Variants in ABCA1 observed in about 807,000 individuals in gnomAD.
The protein encoded by ABCA1 is phospholipid-transporting ATPase ABCA1.
ABCA1 carries 133 observed loss-of-function variants against 262.5 expected under a neutral mutation model. The ratio of observed to expected loss-of-function variants is 0.51; its 90% CI spans 0.44 to 0.59. The LOEUF (loss-of-function observed/expected upper bound fraction) is 0.59. ABCA1 is among the 20% of genes least tolerant of loss of function. The pLI is 0.00. For missense variants in ABCA1, 2,452 were observed against 2,777.5 expected, an observed-to-expected ratio of 0.88 and a Z score of 2.63; for synonymous variants, 1,022 against 1,043.5, an observed-to-expected ratio of 0.98 and a Z score of 0.40.
chr9:104,882,720 T>C (rs1838796554), intron 5 of ABCA1, among the ~76,000 whole-genome samples: 1 of 152,272 alleles, frequency 6.6e-6, no homozygotes, highest in Non-Finnish European at 1.5e-5. Context: ...TGCAACCATA[T>C]GGCCAACTTC....
chr9:104,882,410 G>A (rs1317686741), intron 5 of ABCA1, among the ~76,000 whole-genome samples: 1 of 152,200 alleles, frequency 6.6e-6, no homozygotes, highest in African/African-American at 2.4e-5. Context: ...CCAGGCCACT[G>A]CCTGGAAGGC....
chr9:104,830,963 A>G lies in ABCA1; in HGVS notation c.1854T>C (p.Tyr618=), dbSNP rs1160675703. Residue 618 remains tyrosine, a synonymous_variant, in exon 14 of 50, where the codon TAT becomes TAC. Coordinates refer to ENST00000374736, the MANE Select transcript of ABCA1 (RefSeq NM_005502.4). ...AACAGGGATAGGGCATCTGTTGCATATAGACACCAGTTTTCTTCTCGGTGC... is the reference window on the plus strand; with the variant it reads ...AACAGGGATAGGGCATCTGTTGCATGTAGACACCAGTTTTCTTCTCGGTGC... The part of the protein sequence containing the change: ...LTGTEKKTGV[Y]MQQMPYPCYV... 1 of 1,613,954 alleles carries G rather than the reference A, an allele frequency of 6.2e-7. No homozygotes were observed. Among genetic ancestry groups the G allele is most frequent in the South Asian group, 1.1e-5 (1 of 91,066 alleles).
rs1314950378 is a variant in ABCA1, at chr9:104,784,328, T to C, written c.6773A>G (p.Glu2258Gly). The change falls in exon 50 of 50, where the codon GAA becomes GGA. Residue 2258 changes from glutamate (E) to glycine (G), a missense_variant. This residue lies in a region of ABCA1 where 752 missense variants were observed against 944.5 expected (regional missense o/e 0.80). Transcript: ENST00000374736. ...GAACAGGATTCTTCATACATAGCTT[T>C]CTTTCACTTTCTCATCCTGTAGAAA... is the stretch of plus-strand genomic sequence containing the variant. The part of the protein sequence containing the change: ...TSFLQDEKVK[E>G]SYV 1 of 1,614,024 alleles carries C rather than the reference T, an allele frequency of 6.2e-7. No individual in the cohort carries two copies. Among genetic ancestry groups the C allele is most frequent in the African/African-American group, 1.3e-5 (1 of 74,938 alleles).
intron 6 of ABCA1, among the ~76,000 whole-genome samples, chr9:104,858,923 C>G (rs1252636495): frequency 6.6e-6 from 1 of 152,202 alleles, no homozygotes; most frequent in African/African-American, 2.4e-5. Flanking sequence ...GTTGCATTAA[C>G]TCAGTATCTC....
At chr9:104,893,421 C>CAAAAAAAAAAAAGAAAAAAAAAAAA (rs1839937397) in intron 2 of ABCA1, among the ~76,000 whole-genome samples, 1 of 35,256 alleles carries the variant, frequency 2.8e-5, no homozygotes, top group Non-Finnish European at 5.7e-5. Context: ...GACTTCACCT[C>CAAAAAAAAAAAAGAAAAAAAAAAAA]AAAAAAAAAA....
intron 2 of ABCA1, among the ~76,000 whole-genome samples, chr9:104,891,442 A>G (rs1839737202): frequency 2.6e-5 from 4 of 151,708 alleles, no homozygotes; most frequent in Admixed American, 2.6e-4. Context: ...CTAAAAATAC[A>G]AAAATTAGAT....
rs145354494 is a variant in ABCA1 at position 104,879,758 on chromosome 9, C to T, written c.421+3281G>A. ...CTAATACAATCTCAGACTGCATTAACGGAAATGTAGCACTCAGAACAAGGG... is the reference window on the plus strand; with the variant it reads ...CTAATACAATCTCAGACTGCATTAATGGAAATGTAGCACTCAGAACAAGGG... On this transcript the variant is annotated intron_variant, in intron 5 of 49. Coordinates refer to ENST00000374736, the MANE Select transcript of ABCA1 (RefSeq NM_005502.4). 1.2e-3 allele frequency among the ~76,000 whole-genome samples: 190 copies of T among 152,254 alleles called. 1 individual carries two copies. Among genetic ancestry groups the T allele is most frequent in the Admixed American group, 8.8e-3 (134 of 15,282 alleles).
intron 2 of ABCA1, among the ~76,000 whole-genome samples, chr9:104,899,141 C>T (rs574844212): frequency 2.0e-5 from 3 of 152,148 alleles, no homozygotes; most frequent in African/African-American, 7.2e-5. Flanking sequence ...TTCTTCATTC[C>T]GTAGAAGAGA....
At position 104,784,281 on chromosome 9, in the gene ABCA1, T is replaced by G; in HGVS notation, c.*34A>C. The G allele has an allele frequency of 6.2e-7, 1 of 1,613,794 alleles. No individual in the cohort carries two copies. Among genetic ancestry groups the G allele is most frequent in the Non-Finnish European group, 8.5e-7 (1 of 1,179,878 alleles). On this transcript the variant is annotated 3_prime_UTR_variant, in exon 50 of 50. Coordinates refer to ENST00000374736, the MANE Select transcript of ABCA1 (RefSeq NM_005502.4). The stretch of plus-strand genomic sequence containing the variant: ...GGTGCAAAGGAAAGTCTAGTTCCTC[T>G]TTACTTTCAGCCACCCCGTATGAAC...
In ABCA1 at chr9:104,800,645, A is replaced by G. The variant is rs1830251589; in HGVS notation, c.4699-61T>C. 2.0e-6 allele frequency: 3 copies of G among 1,488,920 alleles called. No homozygotes were observed. The South Asian group carries it at 3.4e-5, about 17-fold the overall frequency. 92.2% of individuals were successfully genotyped at this position (1,488,920 alleles called of 1,614,324 possible). A position where few individuals can be genotyped will look rare whatever the true frequency, so the allele number is the denominator to read the frequency against. ...TTCACATAGATAAGGGGCAACAGTCAATCTGGAACCTGTGGACAACAGGAC... is the reference window on the plus strand; with the variant it reads ...TTCACATAGATAAGGGGCAACAGTCGATCTGGAACCTGTGGACAACAGGAC... On this transcript the variant is annotated intron_variant, in intron 34 of 49. Coordinates refer to ENST00000374736, the MANE Select transcript of ABCA1 (RefSeq NM_005502.4).
intron 9 of ABCA1, among the ~76,000 whole-genome samples, chr9:104,837,815 TA>T (rs796785691): frequency 2.6e-5 from 4 of 152,338 alleles, no homozygotes; most frequent in African/African-American, 9.6e-5. Flanking sequence ...TGATGCTTGA[TA>T]AATAATCAGA....
rs1564199437 is a variant in ABCA1, at chr9:104,862,688, C to CAGGG, written c.422-889_422-888insCCCT. 3.1e-3 allele frequency among the ~76,000 whole-genome samples: 27 copies of CAGGG among 8,724 alleles called. 5 individuals carry two copies. The highest frequency in any genetic ancestry group is 0.012 in the African/African-American group (27 of 2,226). The allele number at this position is 8,724 out of a possible 152,430, so 5.7% of individuals were successfully genotyped here. A position where few individuals can be genotyped will look rare whatever the true frequency, so the allele number is the denominator to read the frequency against. On this transcript the variant is annotated intron_variant, in intron 5 of 49. Transcript: ENST00000374736. The stretch of plus-strand genomic sequence containing the variant: ...CCGGGCCGGGCCGGGCCGGGCCGGG[C>CAGGG]CGGGCCGGGCCGGCCCCCACCCCCA...
intron 15 of ABCA1, among the ~76,000 whole-genome samples, chr9:104,827,463 C>T (rs4149307): frequency 0.34 from 51,964 of 152,040 alleles, 13,177 homozygotes; most frequent in East Asian, 0.72. Context: ...TAGGTAATTT[C>T]AACTGGTTTC....
At position 104,882,920 on chromosome 9, in the gene ABCA1, G is replaced by A. The variant is rs536918595; in HGVS notation, c.421+119C>T. The A allele has an allele frequency of 1.1e-5, 12 of 1,053,908 alleles. No individual in the cohort carries two copies. In the African/African-American group the frequency reaches 1.6e-4, roughly 14 times the overall value. The allele number at this position is 1,053,908 out of a possible 1,614,324, so 65.3% of individuals were successfully genotyped here. On this transcript the variant is annotated intron_variant, in intron 5 of 49. Coordinates refer to ENST00000374736, the MANE Select transcript of ABCA1 (RefSeq NM_005502.4). ...GGGGCCCCACAGGCCAGCCACCAAG[G>A]AGAAAAACCCCTTGGGGAAGATCTA... is the stretch of plus-strand genomic sequence containing the variant.
chr9:104,872,405 G>A (rs930205285), intron 5 of ABCA1, among the ~76,000 whole-genome samples: 1 of 152,178 alleles, frequency 6.6e-6, no homozygotes, highest in African/African-American at 2.4e-5. Context: ...GCTTCCTAAT[G>A]TTGGAATAAG....
chr9:104,829,929 C>G (rs1167760061), intron 14 of ABCA1, among the ~76,000 whole-genome samples: 1 of 148,204 alleles, frequency 6.7e-6, no homozygotes, highest in South Asian at 2.1e-4. Flanking sequence ...CAGCTCCTCC[C>G]GCATCCTGAT....
Position 104,821,605 on chromosome 9 carries a change from C to T in ABCA1, c.2829-99G>A, listed in dbSNP as rs185969409. On this transcript the variant is annotated intron_variant, in intron 19 of 49. Transcript: ENST00000374736. ...CAGAGAGAACAGAACACCAACCCTC[C>T]CACCGCCCCCATTCCTTTCTAATGA... The T allele has an allele frequency of 8.0e-6, 11 of 1,374,628 alleles. No homozygotes were observed. The East Asian group carries it at 2.2e-4, about 27-fold the overall frequency. 85.2% of individuals were successfully genotyped at this position (1,374,628 alleles called of 1,614,324 possible).
Position 104,796,405 on chromosome 9 carries a change from GC to G in ABCA1, c.5140del (p.Ala1714ProfsTer25). ...GATGAAGATGATAATGACCAGTGTG[GC>G]AGGGACAACGTAATTGCACTAAAAG... ...VWDMCNYVVP[A>X]TLVIIIFICF... is the part of the protein sequence containing the mutation. On this transcript the variant is annotated frameshift_variant, in exon 38 of 50. Coordinates refer to ENST00000374736, the MANE Select transcript of ABCA1 (RefSeq NM_005502.4). LOFTEE classifies it high-confidence loss of function. The G allele has an allele frequency of 6.2e-7, 1 of 1,614,066 alleles. No homozygotes were observed. The highest frequency in any genetic ancestry group is 8.5e-7 in the Non-Finnish European group (1 of 1,179,966).
intron 1 of ABCA1, among the ~76,000 whole-genome samples, chr9:104,910,660 GA>G (rs1467701951): frequency 6.6e-6 from 1 of 152,280 alleles, no homozygotes; most frequent in East Asian, 1.9e-4. Context: ...AAGTGAGATG[GA>G]AGTTGAAATT....
Sources: gnomAD v4.1 joint callset for allele counts (sites outside exome capture counted in the v4.1 genomes callset) on GRCh38, gnomAD v4.1.1 for gene constraint, gnomAD v4.1.1 regional missense constraint, MANE v1.5 for transcripts, NCBI Gene and HGNC (gene_info 2026-07-23, HGNC 2026-07-21) for gene names.